PCDHA1: variants seen among roughly 807,000 people sequenced by gnomAD.
The protein encoded by PCDHA1 is protocadherin alpha-1.
PCDHA1 carries 42 observed loss-of-function variants against 61.3 expected under a neutral mutation model. The observed-to-expected ratio is 0.69, with a 90% CI of 0.54 to 0.89. The LOEUF is 0.89. PCDHA1 is among the 40% of genes least tolerant of loss of function. The pLI, the probability that PCDHA1 is intolerant of heterozygous loss-of-function variation, is 0.00. For missense variants in PCDHA1, 1,256 were observed against 1,235.3 expected (o/e 1.02, Z -0.25); for synonymous variants, 610 against 553.8 (o/e 1.10, Z -1.43).
intron 3 of PCDHA1, among the ~76,000 whole-genome samples, chr5:141,004,676 G>C (rs1198896698): frequency 6.6e-6 from 1 of 152,168 alleles, no homozygotes; most frequent in Non-Finnish European, 1.5e-5. Context: ...AAGGACTGTG[G>C]AGTGGTGCTG....
At chr5:140,972,005 C>T (rs1236779874) in intron 1 of PCDHA1, among the ~76,000 whole-genome samples, 1 of 151,980 alleles carries the variant, frequency 6.6e-6, no homozygotes, top group Admixed American at 6.6e-5. Flanking sequence ...GTTTATATTC[C>T]CTTTTATATG....
intron 1 of PCDHA1, among the ~76,000 whole-genome samples, chr5:140,975,393 C>G (rs2096665585): frequency 6.6e-6 from 1 of 152,256 alleles, no homozygotes. Flanking sequence ...TAAGATCCAT[C>G]ACAATCACAG....
At chr5:141,004,976 A>G (rs1554259837) in intron 3 of PCDHA1, among the ~76,000 whole-genome samples, 1 of 152,248 alleles carries the variant, frequency 6.6e-6, no homozygotes, top group Non-Finnish European at 1.5e-5. Flanking sequence ...GTAAATTTGC[A>G]GTATCATTAT....
At chr5:140,938,133 A>G (rs2091933876) in intron 1 of PCDHA1, among the ~76,000 whole-genome samples, 1 of 152,268 alleles carries the variant, frequency 6.6e-6, no homozygotes, top group South Asian at 2.1e-4. Context: ...AAAAATAGAG[A>G]TAGAGTCTCA....
chr5:141,004,311 C>T (rs2098161581), intron 3 of PCDHA1, among the ~76,000 whole-genome samples: 1 of 152,210 alleles, frequency 6.6e-6, no homozygotes, highest in South Asian at 2.1e-4. Context: ...TTTTATACAA[C>T]AACCAGAACA....
chr5:140,807,445 G>C (rs1554124015), intron 1 of PCDHA1: 1 of 1,605,368 alleles, frequency 6.2e-7, no homozygotes, highest in Admixed American at 1.7e-5. Context: ...TTTTGTTTGT[G>C]AATTCTCGGA....
In PCDHA1 at chr5:140,829,938, G is replaced by A. The variant is rs2150178242; in HGVS notation, c.2394+41254G>A. Reference sequence around the variant, plus strand: ...TCGTATGAGCTGCAGCCCCCGGCAAGCAGCGCTCGCTTCCCGTTTCGCGTG... The same window carrying A: ...TCGTATGAGCTGCAGCCCCCGGCAAACAGCGCTCGCTTCCCGTTTCGCGTG... On this transcript the variant is annotated intron_variant, in intron 1 of 3. Coordinates refer to ENST00000504120, the MANE Select transcript of PCDHA1 (RefSeq NM_018900.4). 8.1e-6 allele frequency: 13 copies of A among 1,613,874 alleles called. No homozygotes were observed. In the South Asian group the frequency reaches 8.8e-5, roughly 11 times the overall value.
intron 1 of PCDHA1, among the ~76,000 whole-genome samples, chr5:140,965,427 G>A (rs1336088571): frequency 6.6e-6 from 1 of 152,104 alleles, no homozygotes; most frequent in Non-Finnish European, 1.5e-5. Flanking sequence ...AAGATAAGCT[G>A]CAGTCATTGA....
At chr5:140,789,319 G>A (rs1228166655) in intron 1 of PCDHA1, among the ~76,000 whole-genome samples, 2 of 152,256 alleles carry the variant, frequency 1.3e-5, no homozygotes, top group South Asian at 4.1e-4. Flanking sequence ...AGGCCTGGTG[G>A]TGGGCGCCTG....
chr5:140,891,148 A>C (rs913917156), intron 1 of PCDHA1, among the ~76,000 whole-genome samples: 2 of 151,726 alleles, frequency 1.3e-5, no homozygotes, highest in Non-Finnish European at 2.9e-5. Flanking sequence ...TATTCTGTTT[A>C]TTTTCCTTTG....
At chr5:140,876,509 A>G (rs782112140) in intron 1 of PCDHA1, 2 of 1,614,020 alleles carry the variant, frequency 1.2e-6, no homozygotes, top group South Asian at 2.2e-5. Flanking sequence ...GTGAATGACA[A>G]TGTCCCTGAA....
chr5:140,790,458 T>C (rs147025061), intron 1 of PCDHA1, among the ~76,000 whole-genome samples: 2 of 152,378 alleles, frequency 1.3e-5, no homozygotes, highest in East Asian at 3.9e-4. Flanking sequence ...TTTGAGTTGA[T>C]ACAGAGTTGT....
At chr5:140,804,723 C>A in intron 1 of PCDHA1, 1 of 182,794 alleles carries the variant, frequency 5.5e-6, no homozygotes, top group Non-Finnish European at 1.1e-5. Context: ...TTTTTCTAAT[C>A]ACTACCCCTA....
chr5:140,836,523 AC>A, intron 1 of PCDHA1: 18 of 1,613,762 alleles, frequency 1.1e-5, no homozygotes, highest in Non-Finnish European at 1.4e-5. Context: ...GTTGGTGCTT[AC>A]CCTGCTGCTG....
At chr5:140,840,491 G>T (rs1308203104) in intron 1 of PCDHA1, among the ~76,000 whole-genome samples, 3 of 152,018 alleles carry the variant, frequency 2.0e-5, no homozygotes, top group Non-Finnish European at 2.9e-5. Context: ...GCATAATTCT[G>T]GTAAATACTC....
Position 140,885,215 on chromosome 5 carries a change from A to T in PCDHA1, c.2395-93734A>T, listed in dbSNP as rs564445744. Among the ~76,000 whole-genome samples the T allele has an allele frequency of 2.8e-3, 423 of 152,102 alleles. 2 individuals carry two copies. The highest frequency in any genetic ancestry group is 0.014 in the Middle Eastern group (4 of 294). On this transcript the variant is annotated intron_variant, in intron 1 of 3. Transcript: ENST00000504120. ...CCCTCTCATATATCCCATGAAAAAT[A>T]TCTTGTGATTCTGCTTTCAATTTTT... is the stretch of plus-strand genomic sequence containing the variant.
intron 1 of PCDHA1, among the ~76,000 whole-genome samples, chr5:140,903,136 A>C (rs1554190778): frequency 6.6e-6 from 1 of 152,212 alleles, no homozygotes; most frequent in Non-Finnish European, 1.5e-5. Flanking sequence ...AGAAATCTCC[A>C]AACTGTTTTC....
intron 1 of PCDHA1, chr5:140,800,950 A>G: frequency 1.8e-6 from 2 of 1,105,816 alleles, no homozygotes; most frequent in Non-Finnish European, 2.3e-6. Context: ...TTCAAACGAC[A>G]TACAAGGAAA....
intron 1 of PCDHA1, among the ~76,000 whole-genome samples, chr5:140,806,247 C>T (rs1277626019): frequency 6.6e-6 from 1 of 151,976 alleles, no homozygotes; most frequent in Non-Finnish European, 1.5e-5. Flanking sequence ...TTAAAAAAAG[C>T]TATTGGAAGC....
Sources: allele counts gnomAD v4.1 joint callset (sites outside exome capture counted in the v4.1 genomes callset), GRCh38; gene constraint gnomAD v4.1.1; transcripts MANE v1.5; gene names NCBI Gene and HGNC (gene_info 2026-07-23, HGNC 2026-07-21).